Variants in GALNTL6 observed in about 807,000 individuals in gnomAD.
GALNTL6 encodes the protein polypeptide N-acetylgalactosaminyltransferase-like 6.
GALNTL6 carries 46 observed loss-of-function variants against 73.7 expected under a neutral mutation model. That is an observed-to-expected ratio of 0.62 (90% CI 0.49 to 0.80). GALNTL6 has a LOEUF of 0.80. Among genes scored for constraint, GALNTL6 ranks in the 30% least tolerant of loss-of-function variants. The pLI, the probability that GALNTL6 is intolerant of heterozygous loss-of-function variation, is 0.00. For missense variants in GALNTL6, 604 were observed against 755.0 expected, an observed-to-expected ratio of 0.80 and a Z score of 2.34; for synonymous variants, 259 against 263.7, an observed-to-expected ratio of 0.98 and a Z score of 0.17.
At chr4:172,402,644 G>A (rs1489789658) in intron 5 of GALNTL6, among the ~76,000 whole-genome samples, 1 of 152,018 alleles carries the variant, frequency 6.6e-6, no homozygotes, top group Non-Finnish European at 1.5e-5. Flanking sequence ...AATTGTTATA[G>A]GAAGATTTTT....
At chr4:172,578,942 T>C (rs1737061204) in intron 5 of GALNTL6, among the ~76,000 whole-genome samples, 1 of 152,214 alleles carries the variant, frequency 6.6e-6, no homozygotes, top group Admixed American at 6.5e-5. Flanking sequence ...AGAGAATGGT[T>C]CACAGACCCA....
intron 2 of GALNTL6, among the ~76,000 whole-genome samples, chr4:171,987,422 A>G (rs563039390): frequency 6.6e-6 from 1 of 152,194 alleles, no homozygotes. Flanking sequence ...AGAAGGGAAG[A>G]AATGACTGCG....
At chr4:172,948,804 G>A (rs936792875) in intron 9 of GALNTL6, among the ~76,000 whole-genome samples, 11 of 151,992 alleles carry the variant, frequency 7.2e-5, no homozygotes, top group African/African-American at 2.7e-4. Context: ...CACACCTAGT[G>A]TGTTTCAACT....
chr4:172,369,169 CAG>C (rs1742689775), intron 5 of GALNTL6, among the ~76,000 whole-genome samples: 1 of 152,118 alleles, frequency 6.6e-6, no homozygotes, highest in Admixed American at 6.5e-5. Flanking sequence ...TCTGTTTTGA[CAG>C]AGTGCTGATT....
intron 5 of GALNTL6, among the ~76,000 whole-genome samples, chr4:172,637,221 G>A (rs1739737837): frequency 6.6e-6 from 1 of 152,008 alleles, no homozygotes; most frequent in Non-Finnish European, 1.5e-5. Context: ...TTAAAACTTG[G>A]TTTAGAATAA....
intron 5 of GALNTL6, among the ~76,000 whole-genome samples, chr4:172,602,166 CAA>C (rs1243452830): frequency 1.3e-5 from 2 of 151,774 alleles, no homozygotes; most frequent in Non-Finnish European, 2.9e-5. Flanking sequence ...ACAAAAGAAA[CAA>C]AGAGTGTTCA....
At position 171,814,313 on chromosome 4, in the gene GALNTL6, T is replaced by A. The variant is rs527907406; in HGVS notation, c.-169-99T>A. ...TTTATATTAATGGAGGTCAATGGGC[T>A]TAATGATTTCTTTAGTCAAGTCATT... On this transcript the variant is annotated intron_variant, in intron 1 of 12. Transcript: ENST00000506823. 2.5e-5 allele frequency: 13 copies of A among 529,658 alleles called. No individual in the cohort carries two copies. The South Asian group carries it at 3.1e-4, about 12-fold the overall frequency. The allele number at this position is 529,658 out of a possible 1,614,324, so 32.8% of individuals were successfully genotyped here. A position where few individuals can be genotyped will look rare whatever the true frequency, so the allele number is the denominator to read the frequency against.
At chr4:172,250,055 A>G (rs889027135) in intron 3 of GALNTL6, among the ~76,000 whole-genome samples, 4 of 152,114 alleles carry the variant, frequency 2.6e-5, no homozygotes, top group South Asian at 4.1e-4. Context: ...CAGGTACTCA[A>G]CACCAACCTG....
chr4:172,627,234 T>A (rs759690175), intron 5 of GALNTL6, among the ~76,000 whole-genome samples: 3 of 152,188 alleles, frequency 2.0e-5, no homozygotes, highest in Non-Finnish European at 4.4e-5. Context: ...AGGCTGTTTC[T>A]GCATTTATTC....
chr4:172,568,706 C>G (rs1037875905), intron 5 of GALNTL6, among the ~76,000 whole-genome samples: 3 of 128,300 alleles, frequency 2.3e-5, no homozygotes, highest in Non-Finnish European at 4.6e-5. Flanking sequence ...TGCAGTGAGC[C>G]GAGATTGCGC....
chr4:171,939,897 C>T (rs928192122), intron 2 of GALNTL6, among the ~76,000 whole-genome samples: 1 of 152,034 alleles, frequency 6.6e-6, no homozygotes, highest in Non-Finnish European at 1.5e-5. Context: ...ATGATATACT[C>T]ACTAGTAACA....
intron 2 of GALNTL6, among the ~76,000 whole-genome samples, chr4:172,056,859 T>G (rs1306690998): frequency 3.3e-5 from 5 of 152,120 alleles, no homozygotes; most frequent in Non-Finnish European, 5.9e-5. Flanking sequence ...TTTGCCTTAT[T>G]GTGAATATCC....
At chr4:171,891,875 A>G (rs1560828814) in intron 2 of GALNTL6, among the ~76,000 whole-genome samples, 1 of 152,202 alleles carries the variant, frequency 6.6e-6, no homozygotes, top group East Asian at 1.9e-4. Context: ...TTGAAATTCA[A>G]ATTTTACTGA....
chr4:171,889,377 T>C (rs1353014018), intron 2 of GALNTL6, among the ~76,000 whole-genome samples: 1 of 152,104 alleles, frequency 6.6e-6, no homozygotes, highest in African/African-American at 2.4e-5. Context: ...CAATTTTTCA[T>C]CTTTGGATTC....
At chr4:172,986,409 T>C (rs1013262041) in intron 10 of GALNTL6, among the ~76,000 whole-genome samples, 4 of 152,194 alleles carry the variant, frequency 2.6e-5, no homozygotes, top group Non-Finnish European at 4.4e-5. Context: ...GGAGTGAAAG[T>C]CCGAGCTTCA....
chr4:172,337,689 T>G (rs1202105565), intron 4 of GALNTL6, among the ~76,000 whole-genome samples: 1 of 133,274 alleles, frequency 7.5e-6, no homozygotes, highest in African/African-American at 2.5e-5. Context: ...TACCCGTCTT[T>G]AAGGTTTTTT....
intron 5 of GALNTL6, among the ~76,000 whole-genome samples, chr4:172,497,828 A>G (rs1417564091): frequency 6.6e-6 from 1 of 152,172 alleles, no homozygotes. Context: ...TTCCTGTTTT[A>G]TGAAGACAAA....
At chr4:172,485,750 G>T (rs1733642451) in intron 5 of GALNTL6, among the ~76,000 whole-genome samples, 1 of 152,090 alleles carries the variant, frequency 6.6e-6, no homozygotes, top group South Asian at 2.1e-4. Context: ...GCATTGTTTT[G>T]CAGTACTAGC....
intron 2 of GALNTL6, among the ~76,000 whole-genome samples, chr4:172,151,549 G>A (rs146388674): frequency 1.3e-3 from 191 of 152,316 alleles, no homozygotes; most frequent in African/African-American, 3.8e-3. Context: ...AGCTATCAAC[G>A]TCAGGAGGAG....
Sources: allele counts gnomAD v4.1 joint callset (sites outside exome capture counted in the v4.1 genomes callset), GRCh38; gene constraint gnomAD v4.1.1; transcripts MANE v1.5; gene names NCBI Gene and HGNC (gene_info 2026-07-23, HGNC 2026-07-21).